Variants in CSDE1 observed in about 807,000 individuals in gnomAD.
The protein encoded by CSDE1 is cold shock domain-containing protein E1.
CSDE1 carries 17 observed loss-of-function variants against 89.3 expected under a neutral mutation model. The ratio of observed to expected loss-of-function variants is 0.19; its 90% CI spans 0.13 to 0.29. The LOEUF is 0.29. CSDE1 is among the 10% of genes least tolerant of loss of function. The pLI is 1.00. For synonymous variants in CSDE1, 322 were observed against 332.8 expected (o/e 0.97, Z 0.35); for missense variants, 672 against 984.2 (o/e 0.68, Z 4.24).
intron 2 of CSDE1, chr1:114,741,410 G>A: frequency 1.0e-6 from 1 of 970,006 alleles, no homozygotes; most frequent in South Asian, 2.6e-5. Flanking sequence ...TGAAAAAAAT[G>A]ATTCGGGAAG....
chr1:114,719,186 G>GT (rs1659369869), intron 18 of CSDE1, among the ~76,000 whole-genome samples: 1 of 152,154 alleles, frequency 6.6e-6, no homozygotes, highest in African/African-American at 2.4e-5. Flanking sequence ...GCGCATGCTT[G>GT]TAGTCCCAGC....
Position 114,734,544 on chromosome 1 carries a change from G to C in CSDE1, c.501-21C>G, listed in dbSNP as rs1162393382. 4.4e-6 allele frequency: 7 copies of C among 1,593,668 alleles called. No homozygotes were observed. In the East Asian group the frequency reaches 1.6e-4, roughly 36 times the overall value. On this transcript the variant is annotated intron_variant, in intron 6 of 19. Coordinates refer to ENST00000358528, the MANE Select transcript of CSDE1 (RefSeq NM_001007553.3). ...CAGTACTAGAAAAAAAATAATTGCA[G>C]GGAGGAGGAATGAAACAGGGATTAA... is the stretch of plus-strand genomic sequence containing the variant.
chr1:114,723,666 T>A (rs1659647926), intron 16 of CSDE1, among the ~76,000 whole-genome samples: 1 of 152,210 alleles, frequency 6.6e-6, no homozygotes, highest in African/African-American at 2.4e-5. Context: ...GTATCAGTCA[T>A]GTGCTCACAA....
rs1659287719 is a variant in CSDE1 at position 114,718,092 on chromosome 1, G to A, written c.*77C>T. On this transcript the variant is annotated 3_prime_UTR_variant, in exon 20 of 20. Transcript: ENST00000358528. ...TTCCAGATTTCGGGAGGGATGAAGAGGGAGATATTCAGAACCCTTCACCAG... is the reference window on the plus strand; with the variant it reads ...TTCCAGATTTCGGGAGGGATGAAGAAGGAGATATTCAGAACCCTTCACCAG... 6.8e-7 allele frequency: 1 copy of A among 1,465,758 alleles called. No individual in the cohort carries two copies. Among genetic ancestry groups the A allele is most frequent in the South Asian group, 1.2e-5 (1 of 86,452 alleles). 90.8% of individuals were successfully genotyped at this position (1,465,758 alleles called of 1,614,324 possible).
chr1:114,726,172 G>A (rs1377559162), intron 14 of CSDE1, 39 bp downstream of exon 14: 3 of 1,545,724 alleles, frequency 1.9e-6, no homozygotes, highest in Non-Finnish European at 1.7e-6. Flanking sequence ...AAGAATGGAT[G>A]GTAAGTTAGC....
chr1:114,732,550 T>C (rs1192948810), intron 10 of CSDE1, 54 bp downstream of exon 10: 6 of 1,546,784 alleles, frequency 3.9e-6, no homozygotes, highest in Admixed American at 1.7e-5. Context: ...TAAACTTGAA[T>C]ATAACATTGG....
Position 114,733,971 on chromosome 1 carries a change from G to A in CSDE1, c.711+18C>T, listed in dbSNP as rs746109482. 6 of 1,608,380 alleles carry A rather than the reference G, an allele frequency of 3.7e-6. No homozygotes were observed. Among genetic ancestry groups the A allele is most frequent in the Non-Finnish European group, 5.1e-6 (6 of 1,178,430 alleles). ...CTGATCTTAAAAGGCCAAAGATCAA[G>A]TTAACTGACTGTCTTACATTTCTGT... On this transcript the variant is annotated intron_variant, in intron 8 of 19. Transcript: ENST00000358528.
intron 3 of CSDE1, among the ~76,000 whole-genome samples, chr1:114,738,828 C>T (rs1366180844): frequency 6.6e-6 from 1 of 151,592 alleles, no homozygotes; most frequent in African/African-American, 2.4e-5. Flanking sequence ...ATGTCACGTT[C>T]CTCAGCTAAT....
intron 2 of CSDE1, among the ~76,000 whole-genome samples, chr1:114,749,498 T>C (rs1661190752): frequency 1.3e-5 from 2 of 152,196 alleles, no homozygotes; most frequent in South Asian, 2.1e-4. Flanking sequence ...ATCACCAAAG[T>C]TTCACAGACC....
chr1:114,738,817 CAT>C (rs1660556952), intron 3 of CSDE1, among the ~76,000 whole-genome samples: 1 of 151,690 alleles, frequency 6.6e-6, no homozygotes, highest in Admixed American at 6.6e-5. Flanking sequence ...ACTACAGGCA[CAT>C]GTCACGTTCC....
Position 114,726,991 on chromosome 1 carries a change from C to T in CSDE1, c.1456G>A (p.Gly486Arg). The T allele has an allele frequency of 6.2e-7, 1 of 1,607,616 alleles. No homozygotes were observed. Among genetic ancestry groups the T allele is most frequent in the Middle Eastern group, 1.7e-4 (1 of 6,048 alleles). ...DVEGSTSPQI[G>R]DKVEFSISDK... The stretch of plus-strand genomic sequence containing the variant: ...GAGCAGAATTATCTTGCCTTATCTC[C>T]TATTTGAGGAGAAGTAGATCCTTCC... The change falls in exon 13 of 20, where the codon GGA (glycine) becomes AGA (arginine). Residue 486 changes from glycine to arginine, a missense_variant. This residue lies in a region of CSDE1 where 108 missense variants were observed against 105.0 expected (regional missense o/e 1.03). Transcript: ENST00000358528.
At chr1:114,746,321 G>A (rs1661007927) in intron 2 of CSDE1, among the ~76,000 whole-genome samples, 1 of 152,122 alleles carries the variant, frequency 6.6e-6, no homozygotes, top group Non-Finnish European at 1.5e-5. Context: ...TTATAACTTT[G>A]TAAAACTAAA....
chr1:114,746,396 T>C (rs1661011622), intron 2 of CSDE1: 1 of 152,140 alleles, frequency 6.6e-6, no homozygotes, highest in Non-Finnish European at 1.5e-5. Flanking sequence ...AGTTCCTCCG[T>C]AATGGATCGT....
chr1:114,752,615 A>AG (rs1661368962), intron 1 of CSDE1, among the ~76,000 whole-genome samples: 1 of 152,188 alleles, frequency 6.6e-6, no homozygotes, highest in South Asian at 2.1e-4. Context: ...ATCCTTAAAC[A>AG]CAACTCTTGG....
Position 114,719,758 on chromosome 1 carries a change from A to T in CSDE1, c.2053-16T>A. On this transcript the variant is annotated splice_polypyrimidine_tract_variant and intron_variant, in intron 17 of 19. Coordinates refer to ENST00000358528, the MANE Select transcript of CSDE1 (RefSeq NM_001007553.3). ...TGAAGCCAAACTGAAAAAAAAAAGTAGGTAAAAAAGAGAGGGCATGCCACA... is the reference window on the plus strand; with the variant it reads ...TGAAGCCAAACTGAAAAAAAAAAGTTGGTAAAAAAGAGAGGGCATGCCACA... The T allele has an allele frequency of 6.2e-7, 1 of 1,605,362 alleles. No individual in the cohort carries two copies.
At position 114,718,122 on chromosome 1, in the gene CSDE1, C is replaced by T. The variant is rs766109129; in HGVS notation, c.*47G>A. On this transcript the variant is annotated 3_prime_UTR_variant, in exon 20 of 20. Transcript: ENST00000358528. Reference sequence around the variant, plus strand: ...ATATTCAGAACCCTTCACCAGATTCCCCCCAACTTGATCATAGTGGATTAA... The same window carrying T: ...ATATTCAGAACCCTTCACCAGATTCTCCCCAACTTGATCATAGTGGATTAA... The T allele has an allele frequency of 1.4e-5, 23 of 1,602,440 alleles. No homozygotes were observed. Among genetic ancestry groups the T allele is most frequent in the Non-Finnish European group, 1.9e-5 (22 of 1,169,996 alleles).
intron 1 of CSDE1, among the ~76,000 whole-genome samples, chr1:114,751,693 TA>T (rs11370161): frequency 2.1e-3 from 306 of 142,374 alleles, no homozygotes; most frequent in African/African-American, 5.9e-3. Context: ...TGGGAAGCTT[TA>T]AAAAAAAAAA....
intron 2 of CSDE1, among the ~76,000 whole-genome samples, 164 bp downstream of exon 2, chr1:114,749,657 C>T (rs994933947): frequency 1.3e-5 from 2 of 152,126 alleles, no homozygotes; most frequent in African/African-American, 4.8e-5. Flanking sequence ...AAATACTGTC[C>T]TTATCTAACA....
chr1:114,718,814 T>A, intron 18 of CSDE1, 69 bp from the exon 19 acceptor site: 1 of 1,566,562 alleles, frequency 6.4e-7, no homozygotes, highest in Non-Finnish European at 8.7e-7. Context: ...TGCAAAGGAG[T>A]GTGTTTTCCA....
Sources: gnomAD v4.1 joint callset for allele counts (sites outside exome capture counted in the v4.1 genomes callset) on GRCh38, gnomAD v4.1.1 for gene constraint, gnomAD v4.1.1 regional missense constraint, MANE v1.5 for transcripts, NCBI Gene and HGNC (gene_info 2026-07-23, HGNC 2026-07-21) for gene names.